Variants in RYR3 observed in about 807,000 individuals in gnomAD.
The protein encoded by RYR3 is brain ryanodine receptor-calcium release channel.
Under a neutral mutation model 584.3 loss-of-function variants are expected in RYR3, and 207 were observed. The observed-to-expected ratio is 0.35, with a 90% CI of 0.32 to 0.40. RYR3 has a LOEUF of 0.40. Ranked by LOEUF, RYR3 falls within the 10% of genes least tolerant of loss-of-function variation. The pLI is 1.00. For synonymous variants in RYR3, 2,416 were observed against 2,248.5 expected, an observed-to-expected ratio of 1.07 and a Z score of -2.11; for missense variants, 5,616 against 6,089.2, an observed-to-expected ratio of 0.92 and a Z score of 2.59.
At chr15:33,717,406 C>A (rs2067576580) in intron 43 of RYR3, among the ~76,000 whole-genome samples, 1 of 152,208 alleles carries the variant, frequency 6.6e-6, no homozygotes, top group South Asian at 2.1e-4. Flanking sequence ...TTTTCAGATA[C>A]TCAGACTAAG....
chr15:33,851,277 G>C (rs1030882623), intron 94 of RYR3: 1 of 152,144 alleles, frequency 6.6e-6, no homozygotes. Context: ...TTGCTGAATA[G>C]TAGGATATGC....
At chr15:33,449,965 T>G (rs912291940) in intron 1 of RYR3, among the ~76,000 whole-genome samples, 1 of 152,014 alleles carries the variant, frequency 6.6e-6, no homozygotes, top group African/African-American at 2.4e-5. Flanking sequence ...AAGTTAAACC[T>G]AGTTTGAATT....
chr15:33,502,827 C>T (rs1448817986), intron 2 of RYR3, among the ~76,000 whole-genome samples: 2 of 152,158 alleles, frequency 1.3e-5, no homozygotes, highest in African/African-American at 2.4e-5. Flanking sequence ...ACTGTGCCTT[C>T]GTTTCCTTGG....
chr15:33,815,904 C>G, intron 74 of RYR3: 1 of 398,558 alleles, frequency 2.5e-6, no homozygotes, highest in Non-Finnish European at 4.4e-6. Context: ...TGAAAAAACT[C>G]AGTATGACAG....
chr15:33,558,919 G>A (rs1450551136), intron 10 of RYR3, among the ~76,000 whole-genome samples: 1 of 152,126 alleles, frequency 6.6e-6, no homozygotes, highest in Admixed American at 6.5e-5. Context: ...GAAGCTGGGG[G>A]AAAGCCTTTT....
chr15:33,859,504 A>C, intron 99 of RYR3, 71 bp from the exon 100 acceptor site: 1 of 1,554,568 alleles, frequency 6.4e-7, no homozygotes. Context: ...GAATCATATG[A>C]ATGATCTGAG....
chr15:33,633,768 C>T (rs1426740539), intron 24 of RYR3, among the ~76,000 whole-genome samples: 1 of 152,152 alleles, frequency 6.6e-6, no homozygotes, highest in African/African-American at 2.4e-5. Context: ...TCCCTATTGT[C>T]TTCTTAGTCC....
intron 47 of RYR3, among the ~76,000 whole-genome samples, chr15:33,729,563 G>A (rs150538575): frequency 3.9e-5 from 6 of 152,236 alleles, no homozygotes; most frequent in East Asian, 1.9e-4. Context: ...GGGGCCTGAC[G>A]AAGGTCAATA....
intron 94 of RYR3, chr15:33,849,324 G>C (rs1453295965): frequency 6.6e-6 from 1 of 152,222 alleles, no homozygotes; most frequent in African/African-American, 2.4e-5. Flanking sequence ...TGATTGACAG[G>C]CAGGTGACAC....
intron 38 of RYR3, among the ~76,000 whole-genome samples, chr15:33,676,664 T>A (rs2064199702): frequency 6.6e-6 from 1 of 152,142 alleles, no homozygotes; most frequent in African/African-American, 2.4e-5. Context: ...TTCCACACAG[T>A]CTGATTTGCC....
In RYR3 at chr15:33,794,167, T is replaced by TAATATAC. The variant is rs1567184735; in HGVS notation, c.9830+5710_9830+5711insATATACA. 1.5e-3 allele frequency among the ~76,000 whole-genome samples: 189 copies of TAATATAC among 122,030 alleles called. 2 individuals are homozygous for TAATATAC. The highest frequency in any genetic ancestry group is 5.2e-3 in the African/African-American group (173 of 33,048). 80.1% of individuals were successfully genotyped at this position (122,030 alleles called of 152,430 possible). On this transcript the variant is annotated intron_variant, in intron 67 of 103. Coordinates refer to ENST00000634891, the MANE Select transcript of RYR3 (RefSeq NM_001036.6). ...ACATAAATATATAATATATAATATATACAAATATACATTATATATAAATAT... is the reference window on the plus strand; with the variant it reads ...ACATAAATATATAATATATAATATATAATATACACAAATATACATTATATATAAATAT...
chr15:33,313,721 G>T (rs887391638), intron 1 of RYR3, among the ~76,000 whole-genome samples: 2 of 152,182 alleles, frequency 1.3e-5, no homozygotes. Context: ...TCCTGGATGA[G>T]AAGGTGACTC....
intron 9 of RYR3, 99 bp downstream of exon 9, chr15:33,548,303 C>T: frequency 1.4e-6 from 1 of 714,286 alleles, no homozygotes. Flanking sequence ...ATCTGGCAAA[C>T]TCCTTCAAGT....
At position 33,729,034 on chromosome 15, in the gene RYR3, G is replaced by T; in HGVS notation, c.7203+8G>T. The stretch of plus-strand genomic sequence containing the variant: ...TCTGCCTCTCTAGATACAGTAAGTT[G>T]CAAAAATAACAAAAAATTATTGTTC... On this transcript the variant is annotated splice_region_variant and intron_variant, in intron 47 of 103. Coordinates refer to ENST00000634891, the MANE Select transcript of RYR3 (RefSeq NM_001036.6). The T allele has an allele frequency of 6.2e-7, 1 of 1,607,092 alleles. No individual in the cohort carries two copies. Among genetic ancestry groups the T allele is most frequent in the Non-Finnish European group, 8.5e-7 (1 of 1,177,746 alleles).
chr15:33,361,997 G>T (rs1974830819), intron 1 of RYR3, among the ~76,000 whole-genome samples: 2 of 152,194 alleles, frequency 1.3e-5, no homozygotes, highest in Admixed American at 1.3e-4. Context: ...CTGGAGGCCG[G>T]CTAAGTTGCC....
At chr15:33,818,322 G>A (rs1596781318) in intron 75 of RYR3, among the ~76,000 whole-genome samples, 1 of 152,022 alleles carries the variant, frequency 6.6e-6, no homozygotes, top group South Asian at 2.1e-4. Context: ...TTTTTATTTT[G>A]TTTTAACCTG....
intron 92 of RYR3, among the ~76,000 whole-genome samples, chr15:33,843,939 T>C (rs2078545912): frequency 6.6e-6 from 1 of 152,202 alleles, no homozygotes. Flanking sequence ...GCCATTATAG[T>C]TGGCCTATTT....
intron 1 of RYR3, among the ~76,000 whole-genome samples, chr15:33,376,896 T>C (rs990324894): frequency 6.6e-6 from 1 of 152,248 alleles, no homozygotes; most frequent in Non-Finnish European, 1.5e-5. Flanking sequence ...CTTTATTGAA[T>C]TCCTTGGTGC....
At chr15:33,438,289 C>T (rs1398171690) in intron 1 of RYR3, among the ~76,000 whole-genome samples, 1 of 152,102 alleles carries the variant, frequency 6.6e-6, no homozygotes. Flanking sequence ...CTGTAACCAG[C>T]ATCTCCCATT....
Sources: allele counts gnomAD v4.1 joint callset (sites outside exome capture counted in the v4.1 genomes callset), GRCh38; gene constraint gnomAD v4.1.1; transcripts MANE v1.5; gene names NCBI Gene and HGNC (gene_info 2026-07-23, HGNC 2026-07-21).